Variants in CAMK4 observed in about 807,000 individuals in gnomAD.
The protein encoded by CAMK4 is calcium/calmodulin-dependent protein kinase type IV.
CAMK4 carries 22 observed loss-of-function variants against 44.9 expected under a neutral mutation model. The ratio of observed to expected loss-of-function variants is 0.49; its 90% confidence interval spans 0.35 to 0.70. The LOEUF (loss-of-function observed/expected upper bound fraction) is 0.70, where lower values mean the gene tolerates loss of function less well. Ranked by LOEUF, CAMK4 falls within the 30% of genes least tolerant of loss-of-function variation. The pLI, the probability that CAMK4 is intolerant of heterozygous loss-of-function variation, is 0.01. For synonymous variants in CAMK4, 218 were observed against 215.4 expected, an observed-to-expected ratio of 1.01 and a Z score of -0.11; for missense variants, 498 against 586.8, an observed-to-expected ratio of 0.85 and a Z score of 1.56.
intron 1 of CAMK4, among the ~76,000 whole-genome samples, chr5:111,226,016 G>A (rs940431111): frequency 5.3e-5 from 8 of 152,106 alleles, no homozygotes; most frequent in African/African-American, 1.4e-4. Flanking sequence ...TGTATGATGC[G>A]TGACAGTGGA....
At chr5:111,377,520 G>T (rs57802563) in intron 4 of CAMK4, among the ~76,000 whole-genome samples, 8,056 of 147,968 alleles carry the variant, frequency 0.054, 329 homozygotes, top group East Asian at 0.21. Context: ...GGAGGGGGGT[G>T]GGGGTGGGGG....
chr5:111,444,659 C>G (rs1753964954), intron 5 of CAMK4, among the ~76,000 whole-genome samples: 1 of 152,138 alleles, frequency 6.6e-6, no homozygotes, highest in African/African-American at 2.4e-5. Context: ...TCTGTTTCCC[C>G]AAATCACGAA....
At chr5:111,405,600 T>G (rs1752395371) in intron 5 of CAMK4, among the ~76,000 whole-genome samples, 1 of 152,226 alleles carries the variant, frequency 6.6e-6, no homozygotes, top group African/African-American at 2.4e-5. Flanking sequence ...GCACAAACTC[T>G]GGTCTTTAGT....
Position 111,346,618 on chromosome 5 carries a change from A to C in CAMK4, c.240+2516A>C, listed in dbSNP as rs544337636. 1.8e-4 allele frequency among the ~76,000 whole-genome samples: 27 copies of C among 152,002 alleles called. No individual in the cohort carries two copies. The Middle Eastern group carries it at 0.01, about 57-fold the overall frequency. ...AAGAATATAAATTTATTCTCTTACAATTGTGGAGGCAAGAAGTCCAAAATC... is the reference window on the plus strand; with the variant it reads ...AAGAATATAAATTTATTCTCTTACACTTGTGGAGGCAAGAAGTCCAAAATC... On this transcript the variant is annotated intron_variant, in intron 2 of 10. Coordinates refer to ENST00000282356, the MANE Select transcript of CAMK4 (RefSeq NM_001744.6).
At chr5:111,481,507 G>C (rs933321885) in intron 9 of CAMK4, among the ~76,000 whole-genome samples, 2 of 152,172 alleles carry the variant, frequency 1.3e-5, no homozygotes, top group African/African-American at 2.4e-5. Flanking sequence ...GAACCAGATA[G>C]TATTTATTCC....
chr5:111,295,876 A>G (rs1286791439), intron 1 of CAMK4, among the ~76,000 whole-genome samples: 1 of 152,242 alleles, frequency 6.6e-6, no homozygotes, highest in Non-Finnish European at 1.5e-5. Context: ...GAAGCATATA[A>G]CAAAAATTGG....
At chr5:111,400,783 G>A (rs1229522887) in intron 5 of CAMK4, among the ~76,000 whole-genome samples, 1 of 152,112 alleles carries the variant, frequency 6.6e-6, no homozygotes. Context: ...AATTCCAGTG[G>A]TCCAAAGTTA....
At chr5:111,379,451 C>A (rs1428742647) in intron 4 of CAMK4, among the ~76,000 whole-genome samples, 4 of 152,120 alleles carry the variant, frequency 2.6e-5, no homozygotes, top group African/African-American at 9.7e-5. Flanking sequence ...GCACTCAACT[C>A]TTAGTGGTTT....
Position 111,347,657 on chromosome 5 carries a change from G to T in CAMK4, c.240+3555G>T, listed in dbSNP as rs144191843. Among the ~76,000 whole-genome samples the T allele has an allele frequency of 3.0e-3, 456 of 151,898 alleles. 4 individuals are homozygous for T. Among genetic ancestry groups the T allele is most frequent in the African/African-American group, 0.011 (447 of 41,444 alleles). On this transcript the variant is annotated intron_variant, in intron 2 of 10. Transcript: ENST00000282356. ...TGTGTCTTTATATCATCTTACCTCT[G>T]TGCACATCCCTGTCCAGATTTCTCT...
intron 1 of CAMK4, among the ~76,000 whole-genome samples, chr5:111,282,201 C>T (rs1233909780): frequency 2.0e-4 from 31 of 152,180 alleles, no homozygotes; most frequent in Admixed American, 2.0e-3. Context: ...TACTGGGCCA[C>T]TCTGATAGAT....
intron 5 of CAMK4, among the ~76,000 whole-genome samples, chr5:111,442,745 A>G (rs1254661976): frequency 6.7e-6 from 1 of 148,574 alleles, no homozygotes; most frequent in African/African-American, 2.4e-5. Context: ...AGAATGTAGT[A>G]TATTTTAACA....
intron 7 of CAMK4, among the ~76,000 whole-genome samples, chr5:111,455,279 T>C (rs916437056): frequency 5.9e-5 from 9 of 152,170 alleles, no homozygotes; most frequent in African/African-American, 2.2e-4. Flanking sequence ...ATAATAATAT[T>C]CTACAATAAT....
At chr5:111,385,711 C>T (rs1751576236) in intron 4 of CAMK4, among the ~76,000 whole-genome samples, 1 of 152,096 alleles carries the variant, frequency 6.6e-6, no homozygotes, top group Admixed American at 6.5e-5. Flanking sequence ...GTAACTGGGA[C>T]TACAGGCACA....
intron 5 of CAMK4, among the ~76,000 whole-genome samples, chr5:111,437,402 A>G (rs759947): frequency 0.34 from 51,025 of 152,168 alleles, 9,520 homozygotes; most frequent in Middle Eastern, 0.5. Flanking sequence ...TTAATCATTC[A>G]AAAGCGTTTA....
chr5:111,252,715 C>T (rs1267439786), intron 1 of CAMK4, among the ~76,000 whole-genome samples: 2 of 152,130 alleles, frequency 1.3e-5, no homozygotes, highest in Non-Finnish European at 2.9e-5. Flanking sequence ...AAAACTTTGA[C>T]TCTATTATTT....
chr5:111,429,719 G>C (rs1234225012), intron 5 of CAMK4, among the ~76,000 whole-genome samples: 1 of 126,916 alleles, frequency 7.9e-6, no homozygotes, highest in East Asian at 2.7e-4. Flanking sequence ...GATTCATTGA[G>C]TCTAGATCAC....
rs936567352 is a variant in CAMK4 at position 111,293,519 on chromosome 5, C to T, written c.162-50505C>T. 5.3e-5 allele frequency among the ~76,000 whole-genome samples: 8 copies of T among 151,684 alleles called. 1 individual carries two copies. The highest frequency in any genetic ancestry group is 6.8e-3 in the Middle Eastern group (2 of 294). On this transcript the variant is annotated intron_variant, in intron 1 of 10. Transcript: ENST00000282356. Reference sequence around the variant, plus strand: ...TCAGCTCACTGCAACCTCCACCTCCCGGGTTCAAATGATTCCCCTGCCTCA... The same window carrying T: ...TCAGCTCACTGCAACCTCCACCTCCTGGGTTCAAATGATTCCCCTGCCTCA...
intron 4 of CAMK4, among the ~76,000 whole-genome samples, chr5:111,392,955 A>G (rs1751862834): frequency 6.6e-6 from 1 of 152,192 alleles, no homozygotes; most frequent in South Asian, 2.1e-4. Flanking sequence ...AACGTATCAA[A>G]TATGGTTAAA....
chr5:111,374,829 C>G, intron 2 of CAMK4, 21 bp from the exon 3 acceptor site: 2 of 1,527,758 alleles, frequency 1.3e-6, no homozygotes, highest in Non-Finnish European at 1.8e-6. Context: ...TTCAGTTTAT[C>G]TCTTTTATTT....
Sources: allele counts gnomAD v4.1 joint callset (sites outside exome capture counted in the v4.1 genomes callset), GRCh38; gene constraint gnomAD v4.1.1; transcripts MANE v1.5; gene names NCBI Gene and HGNC (gene_info 2026-07-23, HGNC 2026-07-21).